Variants in CLSTN3 observed in about 807,000 individuals in gnomAD.
CLSTN3 encodes calsyntenin 3, also known as calsyntenin-3.
A neutral mutation model predicts 95.9 loss-of-function variants in CLSTN3; 36 were observed. That is an observed-to-expected ratio of 0.38 (90% CI 0.29 to 0.50). The LOEUF is 0.50. Ranked by LOEUF, CLSTN3 falls within the 20% of genes least tolerant of loss-of-function variation. The pLI is 0.95. For missense variants in CLSTN3, 1,084 were observed against 1,268.8 expected (o/e 0.85, Z 2.21); for synonymous variants, 481 against 504.0 (o/e 0.95, Z 0.61).
At chr12:7,132,258 TAGAAATG>T (rs1939319415) in intron 1 of CLSTN3, 2 of 242,762 alleles carry the variant, frequency 8.2e-6, no homozygotes, top group Non-Finnish European at 1.7e-5. Flanking sequence ...GTGGAGGACA[TAGAAATG>T]TGTCGGTTTC....
chr12:7,133,038 C>T lies in CLSTN3; in HGVS notation c.79C>T (p.Pro27Ser). ...CSCNKANKHK[P>S]WIEAEYQGIV... ...GGTGGGGCCAGCCAACAAGCACAAG[C>T]CATGGATTGAGGCAGAGTACCAGGG... Residue 27 changes from proline (P) to serine (S), a missense_variant, in exon 2 of 18, where the codon CCA becomes TCA. By Grantham distance (74) the Pro-to-Ser change is moderately conservative (BLOSUM62 -1). Coordinates refer to ENST00000266546, the MANE Select transcript of CLSTN3 (RefSeq NM_014718.4). The surrounding 1 kb of genome is among the most constrained non-coding windows in gnomAD (Gnocchi z 4.7). The T allele has an allele frequency of 6.2e-7, 1 of 1,613,708 alleles. No homozygotes were observed.
At chr12:7,142,528 T>C (rs1240027101) in intron 10 of CLSTN3, among the ~76,000 whole-genome samples, 2 of 151,894 alleles carry the variant, frequency 1.3e-5, no homozygotes, top group Non-Finnish European at 2.9e-5. Flanking sequence ...TCCCCCTCCC[T>C]CCTTGTTTTG....
chr12:7,155,674 C>G (rs149853390), intron 16 of CLSTN3, among the ~76,000 whole-genome samples: 261 of 152,354 alleles, frequency 1.7e-3, no homozygotes, highest in Non-Finnish European at 2.8e-3. Flanking sequence ...ATCCCCCGTT[C>G]CCAGGAAGTT....
chr12:7,147,440 A>G (rs1187424499), intron 12 of CLSTN3, among the ~76,000 whole-genome samples: 1 of 147,218 alleles, frequency 6.8e-6, no homozygotes, highest in African/African-American at 2.5e-5. Flanking sequence ...TGGACCTGGA[A>G]GGAGAAGAAT....
At chr12:7,135,292 G>A (rs750546549) in intron 3 of CLSTN3, 35 bp from the exon 4 acceptor site, 23 of 1,603,122 alleles carry the variant, frequency 1.4e-5, no homozygotes, top group Non-Finnish European at 2.0e-5. Context: ...GCTGGCTGAC[G>A]TGTCTTCATC....
chr12:7,138,210 A>C, intron 8 of CLSTN3, 143 bp downstream of exon 8: 4 of 548,668 alleles, frequency 7.3e-6, no homozygotes, highest in East Asian at 3.2e-5. Context: ...TGACCATTCT[A>C]CTCCCAGGTC....
chr12:7,136,385 C>G lies in CLSTN3; in HGVS notation c.922C>G (p.Leu308Val). The G allele has an allele frequency of 6.2e-7, 1 of 1,608,906 alleles. No individual in the cohort carries two copies. The highest frequency in any genetic ancestry group is 8.5e-7 in the Non-Finnish European group (1 of 1,176,948). ...DNYSERALRKLCGAATGEVDL... is the reference protein window; with the variant it reads ...DNYSERALRKVCGAATGEVDL... Reference sequence around the variant, plus strand: ...CTACTCAGAGCGGGCGCTGCGGAAACTCTGTGGTAGGTGTGCCCCCAACAC... The same window carrying G: ...CTACTCAGAGCGGGCGCTGCGGAAAGTCTGTGGTAGGTGTGCCCCCAACAC... Residue 308 changes from leucine (L) to valine (V), a missense_variant, in exon 6 of 18, where the codon CTC becomes GTC. Coordinates refer to ENST00000266546, the MANE Select transcript of CLSTN3 (RefSeq NM_014718.4).
intron 16 of CLSTN3, chr12:7,156,431 C>A (rs1347583315): frequency 4.4e-6 from 2 of 456,904 alleles, no homozygotes; most frequent in Admixed American, 4.7e-5. Flanking sequence ...CTATGTCTTC[C>A]TTCAGGGGGT....
Position 7,150,653 on chromosome 12 carries a change from G to A in CLSTN3, c.2355G>A (p.Met785Ile). ...AGTTCCGGCTTTCCTGCTCGGAAAT[G>A]AATGGCCGTTACTCCAGCAATGAAT... ...TRKFRLSCSEMNGRYSSNEFI... is the reference protein window; with the variant it reads ...TRKFRLSCSEINGRYSSNEFI... Residue 785 changes from methionine to isoleucine, a missense_variant, in exon 15 of 18, where the codon ATG becomes ATA. Physicochemically the swap from Met to Ile is conservative, Grantham distance 10 (BLOSUM62 1). Coordinates refer to ENST00000266546, the MANE Select transcript of CLSTN3 (RefSeq NM_014718.4). This position sits in a 1 kb window ranked among gnomAD's most constrained non-coding sequence, Gnocchi z 4.0. The A allele has an allele frequency of 3.7e-6, 6 of 1,614,158 alleles. No homozygotes were observed. The highest frequency in any genetic ancestry group is 5.1e-6 in the Non-Finnish European group (6 of 1,179,986).
At chr12:7,156,973 C>T (rs1042541574) in intron 16 of CLSTN3, 2 of 370,652 alleles carry the variant, frequency 5.4e-6, no homozygotes, top group African/African-American at 4.2e-5. Flanking sequence ...GGACTTGTCC[C>T]CAGCCTCAGG....
chr12:7,131,788 C>T (rs1472375586), intron 1 of CLSTN3: 2 of 456,512 alleles, frequency 4.4e-6, no homozygotes, highest in Non-Finnish European at 8.8e-6. Flanking sequence ...TCCTGTGCAC[C>T]ATCTTGTGGC....
chr12:7,143,073 C>T, intron 11 of CLSTN3, 47 bp downstream of exon 11: 3 of 1,598,518 alleles, frequency 1.9e-6, no homozygotes, highest in Non-Finnish European at 2.6e-6. Context: ...TGCCCCTTGC[C>T]CCACCCCCTT....
upstream of CLSTN3, chr12:7,129,553 C>T (rs144896790): frequency 7.0e-3 from 6,583 of 934,362 alleles, 40 homozygotes; most frequent in Non-Finnish European, 7.2e-3. The surrounding 1 kb of genome is among the most constrained non-coding windows in gnomAD (Gnocchi z 5.5). Context: ...GCTTGGGACC[C>T]AGGGGGTTTT....
rs1565656464 is a variant in CLSTN3, at chr12:7,158,771, T to C, written c.*690T>C. 1 of 151,570 alleles carries C rather than the reference T, an allele frequency of 6.6e-6. No homozygotes were observed. The allele number at this position is 151,570 out of a possible 1,614,324, so 9.4% of individuals were successfully genotyped here. A position where few individuals can be genotyped will look rare whatever the true frequency, so the allele number is the denominator to read the frequency against. On this transcript the variant is annotated 3_prime_UTR_variant, in exon 18 of 18. Coordinates refer to ENST00000266546, the MANE Select transcript of CLSTN3 (RefSeq NM_014718.4). ...ATATATAATGTATATTTTTTCAATG[T>C]TGTCGTGAGTGCAGCCCATGTTCCT...
intron 16 of CLSTN3, among the ~76,000 whole-genome samples, chr12:7,151,449 G>A (rs12300810): frequency 6.6e-6 from 1 of 152,182 alleles, no homozygotes; most frequent in Non-Finnish European, 1.5e-5. Context: ...CTATGTACTA[G>A]CACTGTCCTA....
At position 7,158,359 on chromosome 12, in the gene CLSTN3, T is replaced by C; in HGVS notation, c.*278T>C. On this transcript the variant is annotated 3_prime_UTR_variant, in exon 18 of 18. Coordinates refer to ENST00000266546, the MANE Select transcript of CLSTN3 (RefSeq NM_014718.4). ...GTGGGCTGGACTTCAGCTGCCTTTCTACCCCCAATGGCAGCTGCCCCCTTA... is the reference window on the plus strand; with the variant it reads ...GTGGGCTGGACTTCAGCTGCCTTTCCACCCCCAATGGCAGCTGCCCCCTTA... 3.2e-6 allele frequency: 1 copy of C among 313,610 alleles called. No individual in the cohort carries two copies. The highest frequency in any genetic ancestry group is 5.9e-6 in the Non-Finnish European group (1 of 168,722). 19.4% of individuals were successfully genotyped at this position (313,610 alleles called of 1,614,324 possible). A position where few individuals can be genotyped will look rare whatever the true frequency, so the allele number is the denominator to read the frequency against.
Position 7,133,001 on chromosome 12 carries a change from T to C in CLSTN3, c.65-23T>C. On this transcript the variant is annotated intron_variant, in intron 1 of 17. Coordinates refer to ENST00000266546, the MANE Select transcript of CLSTN3 (RefSeq NM_014718.4). This position sits in a 1 kb window ranked among gnomAD's most constrained non-coding sequence, Gnocchi z 4.7. ...AGGCCCTGCTCACAGGTGCTTCCTC[T>C]CCTCTCCCTGGGGTGGGGCCAGCCA... 6.2e-7 allele frequency: 1 copy of C among 1,612,462 alleles called. No homozygotes were observed. The highest frequency in any genetic ancestry group is 8.5e-7 in the Non-Finnish European group (1 of 1,179,310).
intron 16 of CLSTN3, chr12:7,155,983 C>T (rs749610830): frequency 6.3e-5 from 21 of 332,306 alleles, no homozygotes; most frequent in South Asian, 4.7e-4. Flanking sequence ...CTGGGCCATG[C>T]GCTTCCCTAC....
At chr12:7,138,531 A>G (rs1166164416) in intron 8 of CLSTN3, among the ~76,000 whole-genome samples, 4 of 152,182 alleles carry the variant, frequency 2.6e-5, no homozygotes, top group African/African-American at 9.7e-5. Context: ...ACCCTGTTAT[A>G]TAGGGATAAA....
Sources: allele counts gnomAD v4.1 joint callset (sites outside exome capture counted in the v4.1 genomes callset), GRCh38; gene constraint gnomAD v4.1.1; non-coding constraint Gnocchi (gnomAD v3.1); transcripts MANE v1.5; gene names NCBI Gene and HGNC (gene_info 2026-07-23, HGNC 2026-07-21).